Variants in HTR7 observed in about 807,000 individuals in gnomAD.
HTR7 encodes 5-hydroxytryptamine receptor 7, also known as 5-HT-7.
A neutral mutation model predicts 34.0 loss-of-function variants in HTR7; 16 were observed. The ratio of observed to expected loss-of-function variants is 0.47; its 90% confidence interval spans 0.32 to 0.71. The LOEUF (loss-of-function observed/expected upper bound fraction) is 0.71. Ranked by LOEUF, HTR7 falls within the 30% of genes least tolerant of loss-of-function variation. The probability of loss-of-function intolerance (pLI) is 0.04; values close to 1 mark genes in which losing one functional copy is unlikely to be tolerated. For synonymous variants in HTR7, 265 were observed against 260.2 expected, an observed-to-expected ratio of 1.02 and a Z score of -0.18; for missense variants, 504 against 625.5, an observed-to-expected ratio of 0.81 and a Z score of 2.07.
chr10:90,808,014 A>G (rs1845730772), intron 1 of HTR7, among the ~76,000 whole-genome samples: 1 of 152,230 alleles, frequency 6.6e-6, no homozygotes, highest in South Asian at 2.1e-4. Context: ...GAGACAAAGG[A>G]GACATGTTTT....
intron 1 of HTR7, among the ~76,000 whole-genome samples, chr10:90,793,942 ACTT>A (rs1460446275): frequency 2.6e-5 from 4 of 152,164 alleles, no homozygotes; most frequent in Non-Finnish European, 2.9e-5. Flanking sequence ...AGTCCTTCCA[ACTT>A]CTTCTGCCTG....
At chr10:90,761,575 T>G (rs1414081425) in intron 1 of HTR7, among the ~76,000 whole-genome samples, 1 of 151,676 alleles carries the variant, frequency 6.6e-6, no homozygotes, top group Non-Finnish European at 1.5e-5. Context: ...CACATAGATG[T>G]GTTACTATGT....
At chr10:90,825,583 T>C (rs568308870) in intron 1 of HTR7, among the ~76,000 whole-genome samples, 88 of 152,336 alleles carry the variant, frequency 5.8e-4, no homozygotes, top group Non-Finnish European at 1.0e-3. Flanking sequence ...ATAGCAGTTT[T>C]GAGAAAACTC....
intron 1 of HTR7, among the ~76,000 whole-genome samples, chr10:90,799,894 T>C (rs1300077923): frequency 6.6e-6 from 1 of 152,126 alleles, no homozygotes; most frequent in Non-Finnish European, 1.5e-5. Flanking sequence ...AAATAACAGA[T>C]GGGAGAAAAA....
At chr10:90,799,421 G>C (rs1470291156) in intron 1 of HTR7, among the ~76,000 whole-genome samples, 1 of 152,150 alleles carries the variant, frequency 6.6e-6, no homozygotes, top group Non-Finnish European at 1.5e-5. Context: ...CCTGGGGTGA[G>C]AGCCAATGCT....
intron 1 of HTR7, among the ~76,000 whole-genome samples, chr10:90,826,562 T>G (rs113725947): frequency 6.6e-6 from 1 of 152,154 alleles, no homozygotes; most frequent in African/African-American, 2.4e-5. Context: ...CTATAAGATA[T>G]AAATAGAAAC....
intron 1 of HTR7, among the ~76,000 whole-genome samples, chr10:90,846,964 GTTCA>G (rs1301388400): frequency 6.6e-6 from 1 of 152,198 alleles, no homozygotes; most frequent in East Asian, 1.9e-4. Flanking sequence ...CTCTCTGTGA[GTTCA>G]TTCAAACACT....
chr10:90,745,209 TC>T (rs2119662974), intron 2 of HTR7, among the ~76,000 whole-genome samples: 1 of 152,326 alleles, frequency 6.6e-6, no homozygotes, highest in African/African-American at 2.4e-5. Context: ...GAAATTTATT[TC>T]TTATAGTTTG....
At chr10:90,811,786 T>C (rs1409953293) in intron 1 of HTR7, among the ~76,000 whole-genome samples, 2 of 152,088 alleles carry the variant, frequency 1.3e-5, no homozygotes, top group East Asian at 1.9e-4. Context: ...TTATTCTAAG[T>C]AGACACTTTC....
At chr10:90,826,034 C>T (rs74427060) in intron 1 of HTR7, among the ~76,000 whole-genome samples, 5,396 of 152,050 alleles carry the variant, frequency 0.035, 120 homozygotes, top group Middle Eastern at 0.095. Context: ...AGATTTAACC[C>T]AAAGAAGACT....
chr10:90,803,949 A>G (rs1775079416), intron 1 of HTR7, among the ~76,000 whole-genome samples: 1 of 152,136 alleles, frequency 6.6e-6, no homozygotes, highest in South Asian at 2.1e-4. Flanking sequence ...TGCTTTTTCC[A>G]AAACCACCTG....
chr10:90,835,960 A>C (rs1436273029), intron 1 of HTR7, among the ~76,000 whole-genome samples: 3 of 152,214 alleles, frequency 2.0e-5, no homozygotes, highest in Non-Finnish European at 4.4e-5. Context: ...CAGGAAGTAC[A>C]CAAGGAAAGG....
At chr10:90,855,530 TAA>T (rs1297234539) in intron 1 of HTR7, among the ~76,000 whole-genome samples, 1 of 152,254 alleles carries the variant, frequency 6.6e-6, no homozygotes, top group East Asian at 1.9e-4. Context: ...AAGTTCCATT[TAA>T]AAGGACTCCA....
rs1846600560 is a variant in HTR7 at position 90,857,375 on chromosome 10, G to C, written c.297C>G (p.Asn99Lys). Residue 99 changes from asparagine (N) to lysine (K), a missense_variant, in exon 1 of 4, where the codon AAC (asparagine) becomes AAG (lysine). Asn to Lys is a moderately conservative substitution (Grantham distance 94). Around this residue, in one of 4 missense-constraint regions of HTR7, gnomAD observed 154 missense variants for 248.8 expected, o/e 0.62. Transcript: ENST00000336152. The surrounding 1 kb of genome is among the most constrained non-coding windows in gnomAD (Gnocchi z 6.5). ...TLITLLTIAG[N>K]CLVVISVCFV... The stretch of plus-strand genomic sequence containing the variant: ...AGCACACGGAGATCACCACCAGGCA[G>C]TTGCCCGCGATCGTCAGCAGCGTGA... The C allele has an allele frequency of 1.2e-6, 2 of 1,614,000 alleles. No individual in the cohort carries two copies. The highest frequency in any genetic ancestry group is 2.7e-5 in the African/African-American group (2 of 74,930).
chr10:90,753,212 T>C (rs575875870), intron 1 of HTR7, among the ~76,000 whole-genome samples: 3 of 152,090 alleles, frequency 2.0e-5, no homozygotes, highest in Non-Finnish European at 4.4e-5. Context: ...AATAAAAATA[T>C]TTAAGCAATT....
chr10:90,824,158 G>A (rs1039343988), intron 1 of HTR7, among the ~76,000 whole-genome samples: 1 of 152,242 alleles, frequency 6.6e-6, no homozygotes, highest in African/African-American at 2.4e-5. Context: ...GCAAAGAGTT[G>A]TCTTGCAATT....
intron 1 of HTR7, among the ~76,000 whole-genome samples, chr10:90,797,460 A>C (rs1163622200): frequency 6.6e-6 from 1 of 152,232 alleles, no homozygotes; most frequent in African/African-American, 2.4e-5. Context: ...CATAATCTAA[A>C]TGAAAAACTA....
At position 90,742,463 on chromosome 10, in the gene HTR7, C is replaced by A; in HGVS notation, c.*19G>T. On this transcript the variant is annotated 3_prime_UTR_variant, in exon 4 of 4. Transcript: ENST00000336152. ...CACCTCTATTTTGCCTTGTTTATTTCATCTCCATTGTTCTGCTTTCAATCA... is the reference window on the plus strand; with the variant it reads ...CACCTCTATTTTGCCTTGTTTATTTAATCTCCATTGTTCTGCTTTCAATCA... 1 of 1,590,198 alleles carries A rather than the reference C, an allele frequency of 6.3e-7. No homozygotes were observed. Among genetic ancestry groups the A allele is most frequent in the Middle Eastern group, 1.7e-4 (1 of 5,978 alleles).
chr10:90,770,734 C>G (rs1307286595), intron 1 of HTR7, among the ~76,000 whole-genome samples: 1 of 152,222 alleles, frequency 6.6e-6, no homozygotes, highest in African/African-American at 2.4e-5. Context: ...GAGGGCAGCT[C>G]GGCACTGGCC....
Sources: gnomAD v4.1 joint callset for allele counts (sites outside exome capture counted in the v4.1 genomes callset) on GRCh38, gnomAD v4.1.1 for gene constraint, gnomAD v4.1.1 regional missense constraint, Gnocchi (gnomAD v3.1) non-coding constraint, MANE v1.5 for transcripts, NCBI Gene and HGNC (gene_info 2026-07-23, HGNC 2026-07-21) for gene names.